Variants in PHLDB1 observed in about 807,000 individuals in gnomAD.
PHLDB1 encodes pleckstrin homology-like domain family B member 1.
In PHLDB1, 65 loss-of-function variants were observed where a neutral mutation model predicts 139.3. The ratio of observed to expected loss-of-function variants is 0.47; its 90% CI spans 0.38 to 0.57. The LOEUF is 0.57. PHLDB1 is among the 20% of genes least tolerant of loss of function. PHLDB1 has a pLI of 0.00. For missense variants in PHLDB1, 1,624 were observed against 1,839.7 expected (o/e 0.88, Z 2.14); for synonymous variants, 679 against 734.5 (o/e 0.92, Z 1.22).
Position 118,645,132 on chromosome 11 carries a change from C to T in PHLDB1, c.3122-224C>T. On this transcript the variant is annotated intron_variant, in intron 15 of 22. Coordinates refer to ENST00000600882, the MANE Select transcript of PHLDB1 (RefSeq NM_001144758.3). This position sits in a 1 kb window ranked among gnomAD's most constrained non-coding sequence, Gnocchi z 5.1. ...TATGGACTCAGGGTGCGAAAGAGCA[C>T]TGAAGCCAGACTGTGCATCTGTGGC... 1 of 488,902 alleles carries T rather than the reference C, an allele frequency of 2.0e-6. No individual in the cohort carries two copies. The highest frequency in any genetic ancestry group is 3.6e-6 in the Non-Finnish European group (1 of 280,034). 30.3% of individuals were successfully genotyped at this position (488,902 alleles called of 1,614,324 possible). A position where few individuals can be genotyped will look rare whatever the true frequency, so the allele number is the denominator to read the frequency against.
chr11:118,639,208 C>CA lies in PHLDB1; in HGVS notation c.2694dup (p.Gly899ArgfsTer104). 2 of 1,614,120 alleles carry CA rather than the reference C, an allele frequency of 1.2e-6. No individual in the cohort carries two copies. The highest frequency in any genetic ancestry group is 1.7e-6 in the Non-Finnish European group (2 of 1,179,968). On this transcript the variant is annotated frameshift_variant, in exon 12 of 23. Transcript: ENST00000600882. LOFTEE classifies it high-confidence loss of function. ...CTGGAAAGGAGATACCACTCACTCA[C>CA]AGGGGGCAGGCCTTTCCCGAAGACC... is the stretch of plus-strand genomic sequence containing the variant.
intron 5 of PHLDB1, 110 bp downstream of exon 5, chr11:118,625,169 T>G: frequency 1.5e-6 from 2 of 1,314,758 alleles, no homozygotes; most frequent in Non-Finnish European, 2.0e-6. Context: ...ATACCTAAGG[T>G]CTGGGCTCAC....
chr11:118,654,091 A>C (rs1555139697), intron 20 of PHLDB1: 1 of 152,198 alleles, frequency 6.6e-6, no homozygotes, highest in Non-Finnish European at 1.5e-5. Context: ...GGAGAGGAGG[A>C]GCACTCGGGA....
chr11:118,644,780 C>A, intron 15 of PHLDB1: 1 of 865,096 alleles, frequency 1.2e-6, no homozygotes. Flanking sequence ...GTCCCCACTG[C>A]CTGCAGGCAG....
At position 118,632,520 on chromosome 11, in the gene PHLDB1, G is replaced by C. The variant is rs1944967382; in HGVS notation, c.2379+224G>C. On this transcript the variant is annotated intron_variant, in intron 9 of 22. Coordinates refer to ENST00000600882, the MANE Select transcript of PHLDB1 (RefSeq NM_001144758.3). The surrounding 1 kb of genome is among the most constrained non-coding windows in gnomAD (Gnocchi z 5.9). ...CTGGTGTCTGGGGTCTCCTCTGTCT[G>C]GGTCTGTGTGCTACCTCTGGGTGCC... is the stretch of plus-strand genomic sequence containing the variant. The C allele has an allele frequency of 5.1e-6, 3 of 590,474 alleles. No homozygotes were observed. In the East Asian group the frequency reaches 8.6e-5, roughly 17 times the overall value. The allele number at this position is 590,474 out of a possible 1,614,324, so 36.6% of individuals were successfully genotyped here. A position where few individuals can be genotyped will look rare whatever the true frequency, so the allele number is the denominator to read the frequency against.
At chr11:118,614,519 G>A (rs369626306) in intron 2 of PHLDB1, 40 bp from the exon 3 acceptor site, 5 of 1,610,240 alleles carry the variant, frequency 3.1e-6, no homozygotes, top group Non-Finnish European at 4.2e-6. Context: ...GTAAGGTGCT[G>A]AATCTAATGA....
intron 4 of PHLDB1, among the ~76,000 whole-genome samples, chr11:118,622,195 T>C (rs1942961438): frequency 6.6e-6 from 1 of 152,144 alleles, no homozygotes; most frequent in Non-Finnish European, 1.5e-5. Flanking sequence ...ATCATGACTT[T>C]GGCAGGATGG....
In PHLDB1 at chr11:118,608,359, A is replaced by G. The variant is rs1939507619; in HGVS notation, c.-22+660A>G. ...GCCTTGCCACGCCCGCGCGGTCCCT[A>G]TTGGAATCCCTAGCGGAGTTCCCCG... On this transcript the variant is annotated intron_variant, in intron 1 of 22. Coordinates refer to ENST00000600882, the MANE Select transcript of PHLDB1 (RefSeq NM_001144758.3). This position sits in a 1 kb window ranked among gnomAD's most constrained non-coding sequence, Gnocchi z 6.7. Among the ~76,000 whole-genome samples the G allele has an allele frequency of 6.6e-6, 1 of 152,006 alleles. No homozygotes were observed.
chr11:118,632,504 G>A lies in PHLDB1; in HGVS notation c.2379+208G>A. On this transcript the variant is annotated intron_variant, in intron 9 of 22. Coordinates refer to ENST00000600882, the MANE Select transcript of PHLDB1 (RefSeq NM_001144758.3). The surrounding 1 kb of genome is among the most constrained non-coding windows in gnomAD (Gnocchi z 5.9). ...ACTGCCAGGGGCTGGGCTGGTGTCT[G>A]GGGTCTCCTCTGTCTGGGTCTGTGT... is the stretch of plus-strand genomic sequence containing the variant. 1 of 618,374 alleles carries A rather than the reference G, an allele frequency of 1.6e-6. No individual in the cohort carries two copies. The highest frequency in any genetic ancestry group is 2.8e-6 in the Non-Finnish European group (1 of 352,858). The allele number at this position is 618,374 out of a possible 1,614,324, so 38.3% of individuals were successfully genotyped here.
In PHLDB1 at chr11:118,628,083, C is replaced by G; in HGVS notation, c.1260C>G (p.Pro420=). 1 of 1,614,138 alleles carries G rather than the reference C, an allele frequency of 6.2e-7. No homozygotes were observed. Among genetic ancestry groups the G allele is most frequent in the Non-Finnish European group, 8.5e-7 (1 of 1,180,038 alleles). The change falls in exon 6 of 23, where the codon CCC becomes CCG. Residue 420 remains proline, a synonymous_variant. Transcript: ENST00000600882. ...GTGAGCGGGTGCTAACAACCAGCCC[C>G]TCACGCCAACTGGTGGGCCGAACAT... ...PGSERVLTTS[P]SRQLVGRTFS...
rs1331283047 is a variant in PHLDB1, at chr11:118,608,624, C to A, written c.-22+925C>A. Among the ~76,000 whole-genome samples the A allele has an allele frequency of 6.6e-6, 1 of 152,148 alleles. No homozygotes were observed. Among genetic ancestry groups the A allele is most frequent in the African/African-American group, 2.4e-5 (1 of 41,418 alleles). ...CTGGAGCCTCCCGAGGCTGACTCAT[C>A]GGGCGGCGGGCTCACCCCCCAGCCG... On this transcript the variant is annotated intron_variant, in intron 1 of 22. Transcript: ENST00000600882. The surrounding 1 kb of genome is among the most constrained non-coding windows in gnomAD (Gnocchi z 6.7).
At chr11:118,617,160 C>T (rs1361090778) in intron 4 of PHLDB1, among the ~76,000 whole-genome samples, 2 of 152,192 alleles carry the variant, frequency 1.3e-5, no homozygotes, top group Non-Finnish European at 2.9e-5. Flanking sequence ...GGTGTGCTCA[C>T]CCTGGAAACA....
intron 13 of PHLDB1, among the ~76,000 whole-genome samples, 185 bp downstream of exon 13, chr11:118,642,579 C>G (rs951138107): frequency 6.6e-6 from 1 of 152,232 alleles, no homozygotes; most frequent in Admixed American, 6.5e-5. Context: ...TGTGGGCAAC[C>G]GGGGGGCCAG....
Position 118,642,315 on chromosome 11 carries a change from G to C in PHLDB1, c.2798G>C (p.Gly933Ala). 1 of 1,612,882 alleles carries C rather than the reference G, an allele frequency of 6.2e-7. No individual in the cohort carries two copies. The highest frequency in any genetic ancestry group is 8.5e-7 in the Non-Finnish European group (1 of 1,179,964). Residue 933 changes from glycine (G) to alanine (A), a missense_variant, in exon 13 of 23, where the codon GGG becomes GCG. Gly to Ala is a moderately conservative substitution (Grantham distance 60). Transcript: ENST00000600882. ...CAGTGGTACCAGGAGCTGATGGCCG[G>C]GCTGGGGACTGGCCCCGCTGCAGCC... is the stretch of plus-strand genomic sequence containing the variant. ...LEQWYQELMAGLGTGPAAASP... is the reference protein window; with the variant it reads ...LEQWYQELMAALGTGPAAASP...
chr11:118,634,827 G>A, intron 9 of PHLDB1: 1 of 277,326 alleles, frequency 3.6e-6, no homozygotes, highest in Non-Finnish European at 7.5e-6. Flanking sequence ...CCGCCCTCCC[G>A]CGCTCCCCTC....
upstream of PHLDB1, chr11:118,606,625 C>G (rs1939312753): frequency 6.6e-6 from 1 of 152,244 alleles, no homozygotes; most frequent in Non-Finnish European, 1.5e-5. Flanking sequence ...GTTCAGCTCC[C>G]TAGGGCCTCC....
At chr11:118,656,625 A>T in intron 22 of PHLDB1, 58 bp from the exon 23 acceptor site, 1 of 1,556,340 alleles carries the variant, frequency 6.4e-7, no homozygotes, top group East Asian at 2.3e-5. Flanking sequence ...GAGGCAGGTG[A>T]GAATATTCCT....
intron 1 of PHLDB1, among the ~76,000 whole-genome samples, chr11:118,609,829 C>A (rs1555082190): frequency 6.6e-6 from 1 of 152,234 alleles, no homozygotes; most frequent in Non-Finnish European, 1.5e-5. Context: ...CGCTACCTTG[C>A]GGAAACCTCC....
intron 18 of PHLDB1, among the ~76,000 whole-genome samples, chr11:118,648,956 G>A (rs899576007): frequency 3.3e-5 from 5 of 152,110 alleles, no homozygotes; most frequent in Admixed American, 6.5e-5. Flanking sequence ...AAATCCTAAG[G>A]GATAGGTCAT....
Sources: gnomAD v4.1 joint callset for allele counts (sites outside exome capture counted in the v4.1 genomes callset) on GRCh38, gnomAD v4.1.1 for gene constraint, Gnocchi (gnomAD v3.1) non-coding constraint, MANE v1.5 for transcripts, NCBI Gene and HGNC (gene_info 2026-07-23, HGNC 2026-07-21) for gene names.